Variants in SPTBN1 observed in about 807,000 individuals in gnomAD.
SPTBN1 encodes the protein spectrin beta chain, non-erythrocytic 1.
In SPTBN1, 32 loss-of-function variants were observed where a neutral mutation model predicts 266.4. The ratio of observed to expected loss-of-function variants is 0.12; its 90% CI spans 0.09 to 0.16. SPTBN1 has a LOEUF of 0.16. Among genes scored for constraint, SPTBN1 ranks in the 10% least tolerant of loss-of-function variants. The probability of loss-of-function intolerance (pLI) is 1.00; values close to 1 mark genes in which losing one functional copy is unlikely to be tolerated. For missense variants in SPTBN1, 2,296 were observed against 3,067.1 expected, an observed-to-expected ratio of 0.75 and a Z score of 5.94; for synonymous variants, 1,336 against 1,162.2, an observed-to-expected ratio of 1.15 and a Z score of -3.04.
Position 54,649,109 on chromosome 2 carries a change from G to A in SPTBN1, c.5121G>A (p.Val1707=), listed in dbSNP as rs758673838. 2 of 1,614,010 alleles carry A rather than the reference G, an allele frequency of 1.2e-6. No individual in the cohort carries two copies. Among genetic ancestry groups the A allele is most frequent in the African/African-American group, 1.3e-5 (1 of 74,936 alleles). The stretch of plus-strand genomic sequence containing the variant: ...GGTTATTCCAGCTCAACCGGGAGGT[G>A]GACGACCTGGAGCAGTGGATCGCTG... The part of the protein sequence containing the change: ...RHRLFQLNRE[V]DDLEQWIAER... Residue 1707 remains valine (V), a synonymous_variant, in exon 25 of 36, where the codon GTG becomes GTA. Transcript: ENST00000356805. This position sits in a 1 kb window ranked among gnomAD's most constrained non-coding sequence, Gnocchi z 6.7.
intron 10 of SPTBN1, among the ~76,000 whole-genome samples, chr2:54,624,484 C>T (rs1346904799): frequency 6.6e-6 from 1 of 152,118 alleles, no homozygotes. Flanking sequence ...ATGATCAAAG[C>T]TATTTAAGAT....
At position 54,466,386 on chromosome 2, in the gene SPTBN1, C is replaced by T. The variant is rs1228945029; in HGVS notation, c.-48+9868C>T. Among the ~76,000 whole-genome samples, 9 of 25,844 alleles carry T rather than the reference C, an allele frequency of 3.5e-4. 3 individuals carry two copies. The highest frequency in any genetic ancestry group is 5.4e-4 in the Non-Finnish European group (9 of 16,748). The allele number at this position is 25,844 out of a possible 152,430, so 17.0% of individuals were successfully genotyped here. ...GACCATCCTGGCTAACACGGTGAAA[C>T]CCCGTCTCTACTAAAAATACAAAAA... On this transcript the variant is annotated intron_variant, in intron 1 of 35. Coordinates refer to ENST00000356805, the MANE Select transcript of SPTBN1 (RefSeq NM_003128.3).
chr2:54,487,299 G>A (rs756814734), intron 1 of SPTBN1, among the ~76,000 whole-genome samples: 2 of 149,366 alleles, frequency 1.3e-5, no homozygotes, highest in Admixed American at 6.8e-5. Flanking sequence ...AAGTTTTCAC[G>A]TAATGAAATT....
At chr2:54,611,946 A>G (rs1677244342) in intron 3 of SPTBN1, among the ~76,000 whole-genome samples, 1 of 152,172 alleles carries the variant, frequency 6.6e-6, no homozygotes, top group African/African-American at 2.4e-5. Context: ...ACTATTCTCT[A>G]AAGAGGAATC....
intron 19 of SPTBN1, among the ~76,000 whole-genome samples, chr2:54,643,928 C>T (rs1050691105): frequency 6.6e-6 from 1 of 151,952 alleles, no homozygotes; most frequent in Non-Finnish European, 1.5e-5. Flanking sequence ...GCTGAGATCA[C>T]GCCACTGTAC....
chr2:54,474,385 G>A (rs1667698496), intron 1 of SPTBN1, among the ~76,000 whole-genome samples: 1 of 150,676 alleles, frequency 6.6e-6, no homozygotes, highest in Non-Finnish European at 1.5e-5. Context: ...TGGAGCTGTG[G>A]TGCCTGGGTC....
rs113346978 is a variant in SPTBN1 at position 54,564,003 on chromosome 2, C to T, written c.149-35089C>T. ...CTGACTCCAAATTTGATGCTCTTCC[C>T]GTAGTACCACAAAGTGTGGGTTAGA... On this transcript the variant is annotated intron_variant, in intron 2 of 35. Coordinates refer to ENST00000356805, the MANE Select transcript of SPTBN1 (RefSeq NM_003128.3). Among the ~76,000 whole-genome samples the T allele has an allele frequency of 1.3e-3, 197 of 152,208 alleles. 2 individuals are homozygous for T. The highest frequency in any genetic ancestry group is 4.0e-3 in the African/African-American group (165 of 41,520).
At position 54,631,071 on chromosome 2, in the gene SPTBN1, T is replaced by G. The variant is rs1678699200; in HGVS notation, c.3024T>G (p.Ile1008Met). The G allele has an allele frequency of 1.1e-5, 17 of 1,613,944 alleles. No homozygotes were observed. The highest frequency in any genetic ancestry group is 1.4e-5 in the Non-Finnish European group (17 of 1,179,860). Residue 1008 changes from isoleucine (I) to methionine (M), a missense_variant, in exon 16 of 36, where the codon ATT becomes ATG. This residue lies in a region of SPTBN1 where 128 missense variants were observed against 176.5 expected (regional missense o/e 0.73). Transcript: ENST00000356805. Reference sequence around the variant, plus strand: ...GCATGGAGCGGGACTTGGTGGCCATTGAGGCAAAGCTGAGTGACCTGCAGA... The same window carrying G: ...GCATGGAGCGGGACTTGGTGGCCATGGAGGCAAAGCTGAGTGACCTGCAGA... ...LTGMERDLVAIEAKLSDLQKE... is the reference protein window; with the variant it reads ...LTGMERDLVAMEAKLSDLQKE...
At chr2:54,483,542 T>C (rs1288078564) in intron 1 of SPTBN1, among the ~76,000 whole-genome samples, 1 of 152,174 alleles carries the variant, frequency 6.6e-6, no homozygotes, top group African/African-American at 2.4e-5. Context: ...GTCTGTACCA[T>C]CCAGGCTCTT....
intron 2 of SPTBN1, among the ~76,000 whole-genome samples, chr2:54,571,060 C>T (rs1438236280): frequency 2.0e-5 from 3 of 152,128 alleles, no homozygotes; most frequent in African/African-American, 7.2e-5. Context: ...AGAGATTACA[C>T]ACTATCTGCA....
intron 1 of SPTBN1, among the ~76,000 whole-genome samples, chr2:54,482,572 G>A (rs1381320886): frequency 6.6e-6 from 1 of 152,132 alleles, no homozygotes; most frequent in African/African-American, 2.4e-5. Flanking sequence ...CCAGTAGGGA[G>A]CCATGAGCAC....
At chr2:54,530,353 CTTTTTTTTTT>C (rs549491367) in intron 2 of SPTBN1, among the ~76,000 whole-genome samples, 1 of 73,882 alleles carries the variant, frequency 1.4e-5, no homozygotes, top group African/African-American at 5.3e-5. Flanking sequence ...TTGTAAAAAA[CTTTTTTTTTT>C]TTTTTTTTTT....
Position 54,655,848 on chromosome 2 carries a change from A to T in SPTBN1, c.5962-66A>T, listed in dbSNP as rs985388181. 25 of 1,235,060 alleles carry T rather than the reference A, an allele frequency of 2.0e-5. No individual in the cohort carries two copies. In the South Asian group the frequency reaches 2.9e-4, roughly 14 times the overall value. 76.5% of individuals were successfully genotyped at this position (1,235,060 alleles called of 1,614,324 possible). On this transcript the variant is annotated intron_variant, in intron 28 of 35. Coordinates refer to ENST00000356805, the MANE Select transcript of SPTBN1 (RefSeq NM_003128.3). ...AGAAAATGTATTTTTCTAGTATAAA[A>T]TGACCCCATCAAGAGGATGTGGTGC...
chr2:54,474,019 C>T lies in SPTBN1; in HGVS notation c.-48+17501C>T, dbSNP rs78680749. ...GCTCCTTCTGCAGTGTGAAGGCAGA[C>T]GGAAACATTGGAGTCTGCTGCAGAT... On this transcript the variant is annotated intron_variant, in intron 1 of 35. Transcript: ENST00000356805. Among the ~76,000 whole-genome samples, 41 of 152,260 alleles carry T rather than the reference C, an allele frequency of 2.7e-4. No individual in the cohort carries two copies. In the East Asian group the frequency reaches 6.4e-3, roughly 24 times the overall value.
intron 1 of SPTBN1, among the ~76,000 whole-genome samples, chr2:54,464,716 G>A (rs1342919962): frequency 6.6e-6 from 1 of 152,288 alleles, no homozygotes; most frequent in Non-Finnish European, 1.5e-5. Flanking sequence ...TTGAGACAGA[G>A]TCTTATTCTG....
At chr2:54,495,721 A>G (rs1573271834) in intron 1 of SPTBN1, among the ~76,000 whole-genome samples, 1 of 129,412 alleles carries the variant, frequency 7.7e-6, no homozygotes, top group African/African-American at 2.5e-5. Flanking sequence ...TTTTATGTAG[A>G]CATAAAATAT....
intron 1 of SPTBN1, among the ~76,000 whole-genome samples, chr2:54,503,605 C>T (rs1669391268): frequency 6.6e-6 from 1 of 152,214 alleles, no homozygotes; most frequent in Admixed American, 6.5e-5. Context: ...TTGATCCATG[C>T]TCTCATCACT....
In SPTBN1 at chr2:54,580,857, G is replaced by A. The variant is rs576202627; in HGVS notation, c.149-18235G>A. ...TCATCCCTGTAATTCCAGCATTTTG[G>A]GAGGCTGAGGCGGACTGATCACTTG... On this transcript the variant is annotated intron_variant, in intron 2 of 35. Transcript: ENST00000356805. 1.1e-4 allele frequency among the ~76,000 whole-genome samples: 17 copies of A among 152,162 alleles called. No homozygotes were observed. In the South Asian group the frequency reaches 3.5e-3, roughly 32 times the overall value.
intron 2 of SPTBN1, chr2:54,557,628 T>A (rs1449999127): frequency 1.3e-5 from 10 of 779,164 alleles, no homozygotes; most frequent in Non-Finnish European, 1.6e-5. Context: ...CCCCTCCGGA[T>A]CATAAACAAC....
Sources: gnomAD v4.1 joint callset for allele counts (sites outside exome capture counted in the v4.1 genomes callset) on GRCh38, gnomAD v4.1.1 for gene constraint, gnomAD v4.1.1 regional missense constraint, Gnocchi (gnomAD v3.1) non-coding constraint, MANE v1.5 for transcripts, NCBI Gene and HGNC (gene_info 2026-07-23, HGNC 2026-07-21) for gene names.